PTPN5: variants seen among roughly 807,000 people sequenced by gnomAD.
PTPN5 encodes protein tyrosine phosphatase non-receptor type 5.
A neutral mutation model predicts 73.9 loss-of-function variants in PTPN5; 29 were observed. The ratio of observed to expected loss-of-function variants is 0.39; its 90% CI spans 0.29 to 0.54. The LOEUF (loss-of-function observed/expected upper bound fraction) is 0.54, where lower values mean the gene tolerates loss of function less well. Ranked by LOEUF, PTPN5 falls within the 20% of genes least tolerant of loss-of-function variation. The pLI is 0.65. For missense variants in PTPN5, 652 were observed against 751.4 expected, an observed-to-expected ratio of 0.87 and a Z score of 1.55; for synonymous variants, 267 against 304.7, an observed-to-expected ratio of 0.88 and a Z score of 1.29.
At chr11:18,773,483 G>A (rs1362678019) in intron 1 of PTPN5, among the ~76,000 whole-genome samples, 3 of 152,214 alleles carry the variant, frequency 2.0e-5, no homozygotes, top group Middle Eastern at 3.4e-3. Flanking sequence ...GCGTCCTCCC[G>A]ACAGAAGGCA....
chr11:18,729,117 C>A lies in PTPN5; in HGVS notation c.1605-90G>T. 7.4e-7 allele frequency: 1 copy of A among 1,357,508 alleles called. No individual in the cohort carries two copies. The highest frequency in any genetic ancestry group is 2.3e-5 in the East Asian group (1 of 43,520). The allele number at this position is 1,357,508 out of a possible 1,614,324, so 84.1% of individuals were successfully genotyped here. A position where few individuals can be genotyped will look rare whatever the true frequency, so the allele number is the denominator to read the frequency against. ...AAAGCCATGGAGTAGCAATCACTTG[C>A]CAGGCCTTGCCCCTGTGCGTCTTGG... On this transcript the variant is annotated intron_variant, in intron 14 of 14. Transcript: ENST00000358540. This position sits in a 1 kb window ranked among gnomAD's most constrained non-coding sequence, Gnocchi z 5.2.
chr11:18,742,858 T>C lies in PTPN5; in HGVS notation c.483+134A>G. The C allele has an allele frequency of 1.4e-6, 1 of 706,908 alleles. No homozygotes were observed. The highest frequency in any genetic ancestry group is 2.7e-5 in the Admixed American group (1 of 37,520). 43.8% of individuals were successfully genotyped at this position (706,908 alleles called of 1,614,324 possible). On this transcript the variant is annotated intron_variant, in intron 6 of 14. Transcript: ENST00000358540. This position sits in a 1 kb window ranked among gnomAD's most constrained non-coding sequence, Gnocchi z 4.1. ...GGCTCTTGCCCCAGGCTGGCACACT[T>C]GTGCAAAGAGATAGGTATCCCTCCT... is the stretch of plus-strand genomic sequence containing the variant.
At chr11:18,775,372 A>G (rs1402284002) in intron 1 of PTPN5, among the ~76,000 whole-genome samples, 1 of 152,206 alleles carries the variant, frequency 6.6e-6, no homozygotes, top group Non-Finnish European at 1.5e-5. Flanking sequence ...TACAGACGAG[A>G]AAACTAAGGC....
Position 18,740,604 on chromosome 11 carries a change from A to G in PTPN5, c.914T>C (p.Phe305Ser). The change falls in exon 8 of 15, where the codon TTT (phenylalanine) becomes TCT (serine). Residue 305 changes from phenylalanine to serine, a missense_variant and splice_region_variant. Physicochemically the swap from Phe to Ser is radical, Grantham distance 155. Transcript: ENST00000358540. The stretch of plus-strand genomic sequence containing the variant: ...GGCGACCGGCTCAAGGGAACTCACA[A>G]AGAATTCCGCCTGCAGCAGGAAAGG... ...LDPFLLQAEF[F>S]EIPMNFVDPK... 6.4e-7 allele frequency: 1 copy of G among 1,560,714 alleles called. No individual in the cohort carries two copies. Among genetic ancestry groups the G allele is most frequent in the Non-Finnish European group, 8.7e-7 (1 of 1,152,566 alleles).
At chr11:18,781,323 C>CATTTT (rs774528335) in intron 1 of PTPN5, among the ~76,000 whole-genome samples, 1 of 114,428 alleles carries the variant, frequency 8.7e-6, no homozygotes. Context: ...TTTTTGACCA[C>CATTTT]TTTTTTTTTT....
upstream of PTPN5, chr11:18,792,242 C>G (rs1851963195): frequency 6.6e-6 from 1 of 152,208 alleles, no homozygotes; most frequent in Non-Finnish European, 1.5e-5. Flanking sequence ...ACAAAGGGGG[C>G]AGAGTTGGGG....
At chr11:18,747,036 T>C (rs1849674584) in intron 3 of PTPN5, among the ~76,000 whole-genome samples, 1 of 152,188 alleles carries the variant, frequency 6.6e-6, no homozygotes, top group Admixed American at 6.5e-5. Flanking sequence ...TCAGTTTCCT[T>C]ATCTGTAAAA....
intron 3 of PTPN5, among the ~76,000 whole-genome samples, chr11:18,755,416 TG>T (rs1850085373): frequency 6.6e-6 from 1 of 152,204 alleles, no homozygotes; most frequent in Admixed American, 6.5e-5. Context: ...TACAAAGTTT[TG>T]GGGGTAATTT....
Position 18,742,258 on chromosome 11 carries a change from C to T in PTPN5, c.725+4G>A. On this transcript the variant is annotated splice_donor_region_variant and intron_variant, in intron 7 of 14. Transcript: ENST00000358540. This position sits in a 1 kb window ranked among gnomAD's most constrained non-coding sequence, Gnocchi z 4.1. ...GGAGCCCACCCCTCCTCCACCCCTC[C>T]CACCTCTCCTGCAGACCCATGGACT... 6.2e-7 allele frequency: 1 copy of T among 1,613,990 alleles called. No homozygotes were observed.
At chr11:18,772,367 T>C (rs942067480) in intron 1 of PTPN5, among the ~76,000 whole-genome samples, 4 of 152,202 alleles carry the variant, frequency 2.6e-5, no homozygotes, top group South Asian at 2.1e-4. Context: ...GTGGAATGAA[T>C]AGGCTCTGAG....
chr11:18,790,280 A>C lies in PTPN5; in HGVS notation c.-114+1245T>G, dbSNP rs139395594. ...GAGCCCCAAGGAGAAAGAGGTGGGG[A>C]CCTCCGCAAAGGGATGACTACAGGG... is the stretch of plus-strand genomic sequence containing the variant. On this transcript the variant is annotated intron_variant, in intron 1 of 14. Transcript: ENST00000358540. Among the ~76,000 whole-genome samples the C allele has an allele frequency of 2.1e-3, 326 of 151,756 alleles. 4 individuals are homozygous for C. Among genetic ancestry groups the C allele is most frequent in the African/African-American group, 7.1e-3 (294 of 41,370 alleles).
intron 3 of PTPN5, among the ~76,000 whole-genome samples, chr11:18,749,926 T>C (rs1040796651): frequency 1.3e-5 from 2 of 152,306 alleles, no homozygotes. Context: ...CTGTCCCAGT[T>C]AGCTTTTCTT....
At chr11:18,749,218 A>G (rs1849773070) in intron 3 of PTPN5, among the ~76,000 whole-genome samples, 1 of 152,224 alleles carries the variant, frequency 6.6e-6, no homozygotes, top group Non-Finnish European at 1.5e-5. Context: ...TTTGCCACGC[A>G]TGAAACCCTG....
chr11:18,786,492 G>A (rs574962031), intron 1 of PTPN5, among the ~76,000 whole-genome samples: 19 of 152,342 alleles, frequency 1.2e-4, no homozygotes, highest in Non-Finnish European at 2.4e-4. Context: ...GTGAGCCACC[G>A]CACCCGGCCT....
chr11:18,753,425 TA>T (rs1194758438), intron 3 of PTPN5, among the ~76,000 whole-genome samples: 2 of 152,212 alleles, frequency 1.3e-5, no homozygotes, highest in Non-Finnish European at 2.9e-5. Flanking sequence ...TACTTAAAAA[TA>T]AATCTGAACC....
chr11:18,755,036 CCTAAGAG>C (rs1850066205), intron 3 of PTPN5, among the ~76,000 whole-genome samples: 2 of 152,154 alleles, frequency 1.3e-5, no homozygotes, highest in Non-Finnish European at 2.9e-5. Context: ...AGGATTAGGT[CCTAAGAG>C]ACTGTGACTT....
At chr11:18,738,891 G>C (rs1849238332) in intron 8 of PTPN5, among the ~76,000 whole-genome samples, 1 of 151,562 alleles carries the variant, frequency 6.6e-6, no homozygotes, top group Admixed American at 6.6e-5. Flanking sequence ...AGAATCGCTT[G>C]GAACTGGAAG....
chr11:18,768,173 G>A (rs1800494347), intron 2 of PTPN5, among the ~76,000 whole-genome samples: 1 of 152,202 alleles, frequency 6.6e-6, no homozygotes, highest in Non-Finnish European at 1.5e-5. Context: ...AAAACATTAG[G>A]AATCTCAAAC....
intron 1 of PTPN5, among the ~76,000 whole-genome samples, chr11:18,781,365 G>A (rs1456958940): frequency 1.6e-5 from 2 of 127,104 alleles, no homozygotes; most frequent in Admixed American, 1.1e-4. Context: ...TGTCACCCAG[G>A]CTGGAGCGCA....
Sources: allele counts gnomAD v4.1 joint callset (sites outside exome capture counted in the v4.1 genomes callset), GRCh38; gene constraint gnomAD v4.1.1; non-coding constraint Gnocchi (gnomAD v3.1); transcripts MANE v1.5; gene names NCBI Gene and HGNC (gene_info 2026-07-23, HGNC 2026-07-21).